Variants in NBEAL1 observed in about 807,000 individuals in gnomAD.
The protein encoded by NBEAL1 is neurobeachin like 1.
NBEAL1 carries 273 observed loss-of-function variants against 351.3 expected under a neutral mutation model. That is an observed-to-expected ratio of 0.78 (90% CI 0.70 to 0.86). NBEAL1 has a LOEUF of 0.86. NBEAL1 is among the 40% of genes least tolerant of loss of function. The pLI is 0.00. For synonymous variants in NBEAL1, 1,050 were observed against 1,086.4 expected, an observed-to-expected ratio of 0.97 and a Z score of 0.66; for missense variants, 2,961 against 3,201.3, an observed-to-expected ratio of 0.92 and a Z score of 1.81.
At chr2:203,203,190 T>C (rs2065449768) in intron 51 of NBEAL1, among the ~76,000 whole-genome samples, 2 of 152,044 alleles carry the variant, frequency 1.3e-5, no homozygotes, top group African/African-American at 4.8e-5. Context: ...TTTTCTTTTT[T>C]TTTTGAGATG....
At chr2:203,055,685 T>C (rs2061391801) in intron 4 of NBEAL1, among the ~76,000 whole-genome samples, 1 of 152,190 alleles carries the variant, frequency 6.6e-6, no homozygotes, top group Non-Finnish European at 1.5e-5. Flanking sequence ...AGATATATGT[T>C]TTACAAGATC....
chr2:203,146,998 C>T (rs1401112152), intron 33 of NBEAL1, among the ~76,000 whole-genome samples: 1 of 152,088 alleles, frequency 6.6e-6, no homozygotes, highest in Non-Finnish European at 1.5e-5. Context: ...TCAAAGCTCT[C>T]AGCAAACTAG....
rs2061125222 is a variant in NBEAL1 at position 203,040,613 on chromosome 2, A to G, written c.52-1152A>G. The G allele has an allele frequency of 4.4e-6, 3 of 677,334 alleles. No homozygotes were observed. In the Admixed American group the frequency reaches 5.4e-5, roughly 12 times the overall value. 42.0% of individuals were successfully genotyped at this position (677,334 alleles called of 1,614,324 possible). A position where few individuals can be genotyped will look rare whatever the true frequency, so the allele number is the denominator to read the frequency against. On this transcript the variant is annotated intron_variant, in intron 2 of 55. Coordinates refer to ENST00000683969, the MANE Select transcript of NBEAL1 (RefSeq NM_001378026.1). ...AAGAATAAGACCATCCCTCTGACAG[A>G]CAACACAGTGATTGAGGAGCACCTG...
intron 46 of NBEAL1, chr2:203,190,847 G>A (rs2065053671): frequency 2.5e-6 from 4 of 1,610,996 alleles, no homozygotes; most frequent in East Asian, 2.2e-5. Context: ...GGTGAAGTCG[G>A]TGCCACTTCT....
chr2:203,089,930 A>G (rs1374360994), intron 10 of NBEAL1, among the ~76,000 whole-genome samples: 3 of 152,212 alleles, frequency 2.0e-5, no homozygotes, highest in Non-Finnish European at 2.9e-5. Context: ...AATAAAATTT[A>G]ATTGGTTAGA....
Position 203,138,648 on chromosome 2 carries a change from A to G in NBEAL1, c.4748A>G (p.Asp1583Gly). Residue 1583 changes from aspartate (D) to glycine (G), a missense_variant, in exon 31 of 56, where the codon GAC becomes GGC. By Grantham distance (94) the Asp-to-Gly change is moderately conservative (BLOSUM62 -1). Transcript: ENST00000683969. ...KLLEDMMLLFDCLSVCYSESP... is the reference protein window; with the variant it reads ...KLLEDMMLLFGCLSVCYSESP... ...TTAGAGGATATGATGCTGCTCTTTG[A>G]CTGTCTGTCAGTCTGCTATTCTGAA... 6.2e-7 allele frequency: 1 copy of G among 1,609,378 alleles called. No homozygotes were observed. Among genetic ancestry groups the G allele is most frequent in the South Asian group, 1.1e-5 (1 of 89,482 alleles).
rs2064363720 is a variant in NBEAL1, at chr2:203,172,763, A to G, written c.6233A>G (p.Glu2078Gly). ...ATTTTACAAGATTATACTTCGGAAG[A>G]GTTGGACCTTAATAACCCTGCTGTA... ...PWILQDYTSEELDLNNPAVFR... is the reference protein window; with the variant it reads ...PWILQDYTSEGLDLNNPAVFR... The change falls in exon 41 of 56, where the codon GAG (glutamate) becomes GGG (glycine). Residue 2078 changes from glutamate to glycine, a missense_variant. Glu to Gly is a moderately conservative substitution (Grantham distance 98). Transcript: ENST00000683969. 1.2e-6 allele frequency: 2 copies of G among 1,612,350 alleles called. No homozygotes were observed. Among genetic ancestry groups the G allele is most frequent in the Non-Finnish European group, 1.7e-6 (2 of 1,179,124 alleles).
chr2:203,189,681 C>T (rs1575106640), intron 45 of NBEAL1, among the ~76,000 whole-genome samples: 1 of 152,198 alleles, frequency 6.6e-6, no homozygotes, highest in Non-Finnish European at 1.5e-5. Context: ...CCCACCACCC[C>T]TGGCCCAATA....
intron 14 of NBEAL1, among the ~76,000 whole-genome samples, chr2:203,109,924 T>C (rs1296508457): frequency 6.6e-6 from 1 of 152,188 alleles, no homozygotes; most frequent in Non-Finnish European, 1.5e-5. Flanking sequence ...CTTTTACTAG[T>C]GGAATTCCAC....
At chr2:203,079,437 T>G (rs1195102631) in intron 8 of NBEAL1, among the ~76,000 whole-genome samples, 2 of 152,194 alleles carry the variant, frequency 1.3e-5, no homozygotes, top group Non-Finnish European at 2.9e-5. Flanking sequence ...ACATTTAAAC[T>G]TGAAGGAAAT....
intron 2 of NBEAL1, among the ~76,000 whole-genome samples, chr2:203,031,349 C>T (rs771425904): frequency 3.9e-5 from 6 of 152,188 alleles, no homozygotes; most frequent in African/African-American, 1.4e-4. Flanking sequence ...ATATTTGCTT[C>T]GTTAATGTCA....
intron 36 of NBEAL1, among the ~76,000 whole-genome samples, chr2:203,160,973 A>G (rs2063937887): frequency 6.6e-6 from 1 of 152,072 alleles, no homozygotes; most frequent in South Asian, 2.1e-4. Flanking sequence ...CAAGAGGATC[A>G]CTAAAGGGCA....
Position 203,217,856 on chromosome 2 carries a change from T to G in NBEAL1, c.*502T>G. 1 of 985,318 alleles carries G rather than the reference T, an allele frequency of 1.0e-6. No individual in the cohort carries two copies. The highest frequency in any genetic ancestry group is 1.2e-6 in the Non-Finnish European group (1 of 829,822). 61.0% of individuals were successfully genotyped at this position (985,318 alleles called of 1,614,324 possible). A position where few individuals can be genotyped will look rare whatever the true frequency, so the allele number is the denominator to read the frequency against. On this transcript the variant is annotated 3_prime_UTR_variant, in exon 56 of 56. Transcript: ENST00000683969. ...TCAAAACTCGGTGAAAGTTACAAGT[T>G]TGCATGGTAAGAATAAAATAAGAAT... is the stretch of plus-strand genomic sequence containing the variant.
At chr2:203,066,953 T>C (rs1301053045) in intron 6 of NBEAL1, among the ~76,000 whole-genome samples, 6 of 139,596 alleles carry the variant, frequency 4.3e-5, no homozygotes, top group Non-Finnish European at 7.6e-5. Flanking sequence ...GCAGAGGCGC[T>C]CCTCACTTAC....
chr2:203,040,790 C>A, intron 2 of NBEAL1: 1 of 535,686 alleles, frequency 1.9e-6, no homozygotes, highest in South Asian at 1.6e-5. Flanking sequence ...GATCTTGGCT[C>A]ACTGCAACCT....
intron 14 of NBEAL1, among the ~76,000 whole-genome samples, chr2:203,109,033 T>C (rs1371696344): frequency 6.6e-6 from 1 of 151,934 alleles, no homozygotes; most frequent in Non-Finnish European, 1.5e-5. Context: ...CAAAGCAAGA[T>C]TGTCTCACAC....
chr2:203,089,185 C>A (rs1368748624), intron 10 of NBEAL1, among the ~76,000 whole-genome samples: 2 of 151,968 alleles, frequency 1.3e-5, no homozygotes, highest in Admixed American at 1.3e-4. Flanking sequence ...ATGGCAAAAC[C>A]CTGTCTCTAT....
At position 203,217,994 on chromosome 2, in the gene NBEAL1, G is replaced by C. The variant is rs1174256600; in HGVS notation, c.*640G>C. On this transcript the variant is annotated 3_prime_UTR_variant, in exon 56 of 56. Coordinates refer to ENST00000683969, the MANE Select transcript of NBEAL1 (RefSeq NM_001378026.1). Reference sequence around the variant, plus strand: ...AATTGAGTAGAAAAAAGTGGAACTAGAGATACATTTTACAGATGTATTTCC... The same window carrying C: ...AATTGAGTAGAAAAAAGTGGAACTACAGATACATTTTACAGATGTATTTCC... The C allele has an allele frequency of 2.4e-6, 2 of 849,376 alleles. No individual in the cohort carries two copies. The highest frequency in any genetic ancestry group is 1.2e-4 in the East Asian group (1 of 8,204). 52.6% of individuals were successfully genotyped at this position (849,376 alleles called of 1,614,324 possible). A position where few individuals can be genotyped will look rare whatever the true frequency, so the allele number is the denominator to read the frequency against.
At chr2:203,106,097 G>A (rs1394762190) in intron 12 of NBEAL1, among the ~76,000 whole-genome samples, 1 of 152,164 alleles carries the variant, frequency 6.6e-6, no homozygotes, top group Non-Finnish European at 1.5e-5. Flanking sequence ...GCCACTGACT[G>A]TTCTTCTGTC....
Sources: allele counts gnomAD v4.1 joint callset (sites outside exome capture counted in the v4.1 genomes callset), GRCh38; gene constraint gnomAD v4.1.1; transcripts MANE v1.5; gene names NCBI Gene and HGNC (gene_info 2026-07-23, HGNC 2026-07-21).